The following CERS6 variants were observed in gnomAD, a reference collection of about 807,000 sequenced individuals.
The protein encoded by CERS6 is ceramide synthase 6.
CERS6 carries 26 observed loss-of-function variants against 56.8 expected under a neutral mutation model. The ratio of observed to expected loss-of-function variants is 0.46; its 90% CI spans 0.34 to 0.63. The LOEUF (loss-of-function observed/expected upper bound fraction) is 0.63. CERS6 is among the 30% of genes least tolerant of loss of function. CERS6 has a pLI of 0.01. For missense variants in CERS6, 415 were observed against 467.5 expected, an observed-to-expected ratio of 0.89 and a Z score of 1.04; for synonymous variants, 164 against 173.3, an observed-to-expected ratio of 0.95 and a Z score of 0.42.
intron 8 of CERS6, among the ~76,000 whole-genome samples, chr2:168,765,067 A>G (rs1173975757): frequency 6.6e-6 from 1 of 152,236 alleles, no homozygotes; most frequent in Non-Finnish European, 1.5e-5. Context: ...CACAACATGG[A>G]TGAACCTTGA....
chr2:168,769,453 G>C, intron 9 of CERS6, 57 bp from the exon 10 acceptor site: 1 of 1,461,822 alleles, frequency 6.8e-7, no homozygotes, highest in Non-Finnish European at 9.1e-7. Flanking sequence ...CTTCTAGCAT[G>C]CCATACCTTG....
intron 1 of CERS6, among the ~76,000 whole-genome samples, chr2:168,464,361 A>C (rs1029111567): frequency 2.0e-5 from 3 of 152,000 alleles, no homozygotes; most frequent in African/African-American, 7.3e-5. Flanking sequence ...GGGTTTCACC[A>C]TGTTGGCCGG....
chr2:168,573,267 A>C (rs1696023915), intron 3 of CERS6, among the ~76,000 whole-genome samples: 1 of 152,188 alleles, frequency 6.6e-6, no homozygotes, highest in Non-Finnish European at 1.5e-5. Flanking sequence ...AATTTAGCAG[A>C]CAGCAACAGG....
intron 1 of CERS6, among the ~76,000 whole-genome samples, chr2:168,492,511 T>C (rs1006736060): frequency 1.3e-5 from 2 of 152,320 alleles, no homozygotes; most frequent in African/African-American, 4.8e-5. Context: ...ATTCTGGATA[T>C]TAGCCCTTTG....
intron 4 of CERS6, among the ~76,000 whole-genome samples, chr2:168,683,610 C>T (rs763419291): frequency 1.3e-5 from 2 of 152,134 alleles, no homozygotes; most frequent in East Asian, 3.8e-4. Context: ...ACATTCTCAC[C>T]GTTTCCCTCC....
intron 1 of CERS6, among the ~76,000 whole-genome samples, chr2:168,547,231 A>G (rs913678599): frequency 6.6e-6 from 1 of 152,260 alleles, no homozygotes; most frequent in Non-Finnish European, 1.5e-5. Context: ...CAGTAAAAAT[A>G]TGACTATTGC....
chr2:168,550,841 C>T (rs1695557507), intron 2 of CERS6, among the ~76,000 whole-genome samples: 2 of 152,196 alleles, frequency 1.3e-5, no homozygotes, highest in East Asian at 1.9e-4. Flanking sequence ...CTCTGAAACT[C>T]GATCCCCCAC....
At chr2:168,693,603 AG>A (rs1422136425) in intron 5 of CERS6, among the ~76,000 whole-genome samples, 1 of 152,156 alleles carries the variant, frequency 6.6e-6, no homozygotes, top group Admixed American at 6.5e-5. Flanking sequence ...ACAGTTCAGT[AG>A]GAAGTGTATT....
At chr2:168,603,952 A>T (rs1683992463) in intron 3 of CERS6, among the ~76,000 whole-genome samples, 1 of 152,190 alleles carries the variant, frequency 6.6e-6, no homozygotes, top group African/African-American at 2.4e-5. Context: ...CATCTTATTG[A>T]CCTAGAGCCT....
intron 3 of CERS6, among the ~76,000 whole-genome samples, chr2:168,629,908 C>T (rs1476464659): frequency 1.3e-5 from 2 of 151,422 alleles, no homozygotes; most frequent in South Asian, 2.1e-4. Context: ...CTCCACCTCC[C>T]GGGTTCACGC....
chr2:168,654,762 A>AATC (rs1279174595), intron 4 of CERS6, among the ~76,000 whole-genome samples: 4 of 152,216 alleles, frequency 2.6e-5, no homozygotes, highest in Admixed American at 2.6e-4. Context: ...ACTTGAAGAT[A>AATC]AATGATGATC....
chr2:168,595,278 T>C (rs1031826940), intron 3 of CERS6, among the ~76,000 whole-genome samples: 17 of 152,202 alleles, frequency 1.1e-4, no homozygotes, highest in African/African-American at 4.1e-4. Context: ...CACTCCCAGC[T>C]CCTGACTTTC....
At chr2:168,615,883 C>T (rs1432147726) in intron 3 of CERS6, among the ~76,000 whole-genome samples, 1 of 152,172 alleles carries the variant, frequency 6.6e-6, no homozygotes, top group Non-Finnish European at 1.5e-5. Context: ...CTGGGAAATT[C>T]ATCACAAAAA....
In CERS6 at chr2:168,474,647, C is replaced by T. The variant is rs1694036259; in HGVS notation, c.170+18029C>T. Among the ~76,000 whole-genome samples the T allele has an allele frequency of 3.3e-5, 5 of 152,176 alleles. No homozygotes were observed. The South Asian group carries it at 1.0e-3, about 32-fold the overall frequency. On this transcript the variant is annotated intron_variant, in intron 1 of 9. Transcript: ENST00000305747. ...AATACCATAACAAGACATTTTGCCA[C>T]TCTTTCTTTAAAGAAATGGGAATGA...
chr2:168,574,370 TTGTGTGTGTGTG>T (rs59913751), intron 3 of CERS6, among the ~76,000 whole-genome samples: 5 of 148,696 alleles, frequency 3.4e-5, no homozygotes, highest in Admixed American at 6.7e-5. Flanking sequence ...TCAATAAGTT[TTGTGTGTGTGTG>T]TGTGTGTGTG....
At chr2:168,477,482 G>A (rs1193219419) in intron 1 of CERS6, among the ~76,000 whole-genome samples, 1 of 152,088 alleles carries the variant, frequency 6.6e-6, no homozygotes, top group Non-Finnish European at 1.5e-5. Flanking sequence ...TCTAGTAAAT[G>A]GTTGTGCAGA....
intron 1 of CERS6, among the ~76,000 whole-genome samples, chr2:168,496,330 A>G (rs985964499): frequency 2.1e-4 from 32 of 151,752 alleles, no homozygotes; most frequent in Admixed American, 9.8e-4. Flanking sequence ...GAGAACTTGG[A>G]AGTCATGATT....
At chr2:168,465,333 G>A (rs1057049362) in intron 1 of CERS6, among the ~76,000 whole-genome samples, 2 of 152,162 alleles carry the variant, frequency 1.3e-5, no homozygotes, top group African/African-American at 2.4e-5. Flanking sequence ...GTCACAGATG[G>A]CACTTTCTTA....
At chr2:168,565,531 AT>A (rs1430101453) in intron 3 of CERS6, among the ~76,000 whole-genome samples, 17 of 152,224 alleles carry the variant, frequency 1.1e-4, no homozygotes, top group African/African-American at 4.1e-4. Flanking sequence ...TTTCTATTAT[AT>A]AAGTTCCTAT....
Sources: allele counts gnomAD v4.1 joint callset (sites outside exome capture counted in the v4.1 genomes callset), GRCh38; gene constraint gnomAD v4.1.1; transcripts MANE v1.5; gene names NCBI Gene and HGNC (gene_info 2026-07-23, HGNC 2026-07-21).